STK33: variants seen among roughly 807,000 people sequenced by gnomAD.
STK33 encodes serine/threonine-protein kinase 33.
Under a neutral mutation model 58.0 loss-of-function variants are expected in STK33, and 52 were observed. The observed-to-expected ratio is 0.90, with a 90% CI of 0.72 to 1.13. The LOEUF is 1.13. STK33 is among the 50% of genes most tolerant of loss of function. STK33 has a pLI of 0.00. For missense variants in STK33, 630 were observed against 604.2 expected, an observed-to-expected ratio of 1.04 and a Z score of -0.45; for synonymous variants, 215 against 200.1, an observed-to-expected ratio of 1.07 and a Z score of -0.63.
intron 1 of STK33, among the ~76,000 whole-genome samples, chr11:8,530,069 G>A (rs996533699): frequency 6.6e-6 from 1 of 152,190 alleles, no homozygotes; most frequent in African/African-American, 2.4e-5. Context: ...AGTCCTGCCT[G>A]CTCCTTAGGA....
intron 11 of STK33, among the ~76,000 whole-genome samples, chr11:8,449,473 G>A (rs1408694080): frequency 6.6e-6 from 1 of 151,544 alleles, no homozygotes; most frequent in African/African-American, 2.5e-5. Flanking sequence ...ATGAGTTCAG[G>A]TCCTTTGTAG....
intron 1 of STK33, among the ~76,000 whole-genome samples, chr11:8,488,242 A>G (rs1950325266): frequency 6.6e-6 from 1 of 152,214 alleles, no homozygotes; most frequent in African/African-American, 2.4e-5. Flanking sequence ...TTAACTTCAC[A>G]GTTGCCCAAG....
the STK33 span, among the ~76,000 whole-genome samples, chr11:8,340,689 C>T: frequency 6.6e-6 from 1 of 152,188 alleles, no homozygotes; most frequent in African/African-American, 2.4e-5. Context: ...CCAGCCTGAT[C>T]CCCATCTGAG....
intron 6 of STK33, among the ~76,000 whole-genome samples, chr11:8,468,065 C>G (rs913586304): frequency 2.6e-4 from 40 of 152,118 alleles, no homozygotes; most frequent in African/African-American, 8.7e-4. Context: ...CGAGACTGGG[C>G]AATTTACAAA....
the STK33 span, among the ~76,000 whole-genome samples, chr11:8,351,027 C>T: frequency 6.6e-6 from 1 of 152,124 alleles, no homozygotes. Context: ...TGAGCAGAAG[C>T]TGGCCCTGGG....
intron 1 of STK33, among the ~76,000 whole-genome samples, chr11:8,514,407 C>A (rs1843551956): frequency 1.3e-5 from 2 of 152,134 alleles, no homozygotes; most frequent in Admixed American, 1.3e-4. Context: ...GGAAAAAAAT[C>A]TGAGCTGTAA....
chr11:8,377,644 G>C, the STK33 span, among the ~76,000 whole-genome samples: 1 of 152,076 alleles, frequency 6.6e-6, no homozygotes, highest in Admixed American at 6.5e-5. Context: ...GAGAAAGAAA[G>C]AGCAAATTGG....
At chr11:8,516,828 G>A (rs966022649) in intron 1 of STK33, among the ~76,000 whole-genome samples, 1 of 152,136 alleles carries the variant, frequency 6.6e-6, no homozygotes. Flanking sequence ...TAAACAAAGC[G>A]CCCTGGAAAC....
At chr11:8,479,101 C>T (rs1163370658) in intron 2 of STK33, among the ~76,000 whole-genome samples, 2 of 152,138 alleles carry the variant, frequency 1.3e-5, no homozygotes, top group Admixed American at 6.5e-5. Flanking sequence ...TTAAATGTGG[C>T]CCCTATACTG....
chr11:8,371,607 T>C, the STK33 span, among the ~76,000 whole-genome samples: 12,190 of 111,572 alleles, frequency 0.11, 530 homozygotes, highest in African/African-American at 0.15. Context: ...TCCTTTCTCT[T>C]TCTTTCTCTT....
At chr11:8,406,623 T>C (rs2135464284) in intron 15 of STK33, among the ~76,000 whole-genome samples, 1 of 152,334 alleles carries the variant, frequency 6.6e-6, no homozygotes, top group East Asian at 1.9e-4. Context: ...TTTTATGTTT[T>C]GTGGCAATTA....
chr11:8,513,286 C>T (rs1048798131), intron 1 of STK33, among the ~76,000 whole-genome samples: 1 of 152,146 alleles, frequency 6.6e-6, no homozygotes, highest in African/African-American at 2.4e-5. Context: ...TTTTCCTCAT[C>T]ACAATACTGC....
the STK33 span, among the ~76,000 whole-genome samples, chr11:8,378,921 G>A: frequency 1.3e-5 from 2 of 152,144 alleles, no homozygotes; most frequent in Non-Finnish European, 2.9e-5. Context: ...TACCAAAACA[G>A]CGTGGTACCA....
chr11:8,586,378 C>G (rs569365403), intron 1 of STK33, among the ~76,000 whole-genome samples: 1 of 152,236 alleles, frequency 6.6e-6, no homozygotes, highest in East Asian at 1.9e-4. Flanking sequence ...ACCTCTAGGC[C>G]TTTGAGTCTG....
chr11:8,455,626 T>C (rs540795346), intron 9 of STK33, among the ~76,000 whole-genome samples: 3 of 149,980 alleles, frequency 2.0e-5, no homozygotes, highest in East Asian at 2.0e-4. Context: ...GGCTAACACG[T>C]TGAAACCCCA....
At chr11:8,460,379 GATAT>G (rs138481585) in intron 8 of STK33, among the ~76,000 whole-genome samples, 1 of 150,952 alleles carries the variant, frequency 6.6e-6, no homozygotes, top group African/African-American at 2.4e-5. Flanking sequence ...GGAATATATA[GATAT>G]ATATATATAT....
chr11:8,349,342 T>C, the STK33 span, among the ~76,000 whole-genome samples: 1 of 152,194 alleles, frequency 6.6e-6, no homozygotes, highest in African/African-American at 2.4e-5. Context: ...GGAGAACCCT[T>C]TGTGCCCTGA....
chr11:8,383,832 T>C, the STK33 span, among the ~76,000 whole-genome samples: 5 of 152,202 alleles, frequency 3.3e-5, no homozygotes, highest in African/African-American at 9.7e-5. Flanking sequence ...ATACCAGGTC[T>C]CCCTGGATTC....
intron 1 of STK33, among the ~76,000 whole-genome samples, chr11:8,484,893 T>C (rs1950094497): frequency 6.6e-6 from 1 of 152,180 alleles, no homozygotes. Context: ...GGCATGTTAT[T>C]AGTAGATTAT....
Sources: gnomAD v4.1 joint callset for allele counts (sites outside exome capture counted in the v4.1 genomes callset) on GRCh38, gnomAD v4.1.1 for gene constraint, MANE v1.5 for transcripts, NCBI Gene and HGNC (gene_info 2026-07-23, HGNC 2026-07-21) for gene names.